The following PARP4 variants were observed in gnomAD, a reference collection of about 807,000 sequenced individuals.
PARP4 encodes protein mono-ADP-ribosyltransferase PARP4.
PARP4 carries 120 observed loss-of-function variants against 187.7 expected under a neutral mutation model. That is an observed-to-expected ratio of 0.64 (90% CI 0.55 to 0.74). The LOEUF (loss-of-function observed/expected upper bound fraction) is 0.74, where lower values mean the gene tolerates loss of function less well. Among genes scored for constraint, PARP4 ranks in the 30% least tolerant of loss-of-function variants. The pLI is 0.00. For synonymous variants in PARP4, 654 were observed against 740.9 expected, an observed-to-expected ratio of 0.88 and a Z score of 1.90; for missense variants, 1,836 against 2,070.5, an observed-to-expected ratio of 0.89 and a Z score of 2.20.
chr13:24,491,458 T>C (rs1383405293), intron 9 of PARP4, among the ~76,000 whole-genome samples: 7 of 152,204 alleles, frequency 4.6e-5, no homozygotes, highest in African/African-American at 1.7e-4. Flanking sequence ...AATCATAGAA[T>C]TTTAAATTTG....
intron 5 of PARP4, 40 bp downstream of exon 5, chr13:24,499,261 G>GA: frequency 7.5e-7 from 1 of 1,329,760 alleles, no homozygotes; most frequent in Non-Finnish European, 9.9e-7. Context: ...AAACAGGTGT[G>GA]TTTTTTTTTT....
Position 24,489,281 on chromosome 13 carries a change from T to A in PARP4, c.1214+1387A>T, listed in dbSNP as rs149082003. ...CAATGTGTGATGCTTTCAGTCTCTC[T>A]ATATCCTCACCAACACTTATAATTT... On this transcript the variant is annotated intron_variant, in intron 10 of 33. Coordinates refer to ENST00000381989, the MANE Select transcript of PARP4 (RefSeq NM_006437.4). Among the ~76,000 whole-genome samples the A allele has an allele frequency of 5.3e-5, 8 of 152,352 alleles. 1 individual carries two copies. The East Asian group carries it at 1.5e-3, about 29-fold the overall frequency.
At chr13:24,430,208 A>C (rs891016234) in intron 32 of PARP4, among the ~76,000 whole-genome samples, 1 of 152,186 alleles carries the variant, frequency 6.6e-6, no homozygotes, top group African/African-American at 2.4e-5. Flanking sequence ...GGCCTAGTGC[A>C]GGTCAAACAG....
At chr13:24,431,548 G>T (rs1870335917) in intron 31 of PARP4, 72 bp from the exon 32 acceptor site, 1 of 940,886 alleles carries the variant, frequency 1.1e-6, no homozygotes, top group Non-Finnish European at 1.7e-6. Context: ...CGTAGTGGGG[G>T]AAGGAGTGGG....
At chr13:24,466,796 C>CAAAAAA (rs34197201) in intron 17 of PARP4, among the ~76,000 whole-genome samples, 41 of 90,836 alleles carry the variant, frequency 4.5e-4, no homozygotes, top group East Asian at 1.0e-3. Flanking sequence ...GACTCTGTCT[C>CAAAAAA]AAAAAAAAAA....
At chr13:24,493,559 A>AT in intron 8 of PARP4, 37 bp downstream of exon 8, 1 of 1,586,906 alleles carries the variant, frequency 6.3e-7, no homozygotes, top group Non-Finnish European at 8.6e-7. Context: ...CAGGAGGCAG[A>AT]TTTTTCACAT....
rs1871682676 is a variant in PARP4 at position 24,454,061 on chromosome 13, C to T, written c.2759-407G>A. Among the ~76,000 whole-genome samples the T allele has an allele frequency of 2.7e-5, 4 of 149,982 alleles. No homozygotes were observed. In the South Asian group the frequency reaches 8.4e-4, roughly 31 times the overall value. The stretch of plus-strand genomic sequence containing the variant: ...GCAGTGAGCTGAGATCGCACCACCG[C>T]ACTCCAGCCTGGGCAACAAAGCGAG... On this transcript the variant is annotated intron_variant, in intron 22 of 33. Transcript: ENST00000381989.
chr13:24,446,990 G>A lies in PARP4; in HGVS notation c.3285+26C>T, dbSNP rs144706444. On this transcript the variant is annotated intron_variant, in intron 26 of 33. Transcript: ENST00000381989. ...AGCAAAATATATTGGTCTTCCCATA[G>A]AATAACAAACTCTGCGTCTTCTTAC... 2.9e-4 allele frequency: 433 copies of A among 1,490,160 alleles called. 5 individuals are homozygous for A. The African/African-American group carries it at 6.1e-3, about 21-fold the overall frequency. The allele number at this position is 1,490,160 out of a possible 1,614,324, so 92.3% of individuals were successfully genotyped here.
chr13:24,430,084 AT>A (rs1260714944), intron 32 of PARP4, among the ~76,000 whole-genome samples: 1 of 152,190 alleles, frequency 6.6e-6, no homozygotes, highest in African/African-American at 2.4e-5. Context: ...GGTTTTAAAT[AT>A]TTTATTCAAA....
chr13:24,479,162 T>C (rs1465384370), intron 12 of PARP4, among the ~76,000 whole-genome samples: 2 of 152,204 alleles, frequency 1.3e-5, no homozygotes, highest in Non-Finnish European at 2.9e-5. Flanking sequence ...AGGACACACC[T>C]TTGGACACAA....
At chr13:24,470,780 A>C (rs1478452907) in intron 15 of PARP4, among the ~76,000 whole-genome samples, 2 of 152,164 alleles carry the variant, frequency 1.3e-5, no homozygotes, top group African/African-American at 4.8e-5. Flanking sequence ...TTATTTGAAA[A>C]CATTGTCCAC....
At chr13:24,444,935 G>T (rs965405923) in intron 27 of PARP4, among the ~76,000 whole-genome samples, 7 of 152,234 alleles carry the variant, frequency 4.6e-5, no homozygotes, top group African/African-American at 1.7e-4. Context: ...TTAAAGGGAT[G>T]ATAGAGAAAC....
chr13:24,450,183 C>T (rs1485525278), intron 24 of PARP4, among the ~76,000 whole-genome samples: 2 of 152,056 alleles, frequency 1.3e-5, no homozygotes, highest in Non-Finnish European at 2.9e-5. Context: ...TGAATCTGAT[C>T]CCAAAGGCCT....
intron 33 of PARP4, 37 bp downstream of exon 33, chr13:24,426,429 A>C: frequency 6.7e-7 from 1 of 1,490,406 alleles, no homozygotes; most frequent in Non-Finnish European, 9.3e-7. Context: ...ATAGTTGAAA[A>C]TATAAATAAG....
In PARP4 at chr13:24,486,257, A is replaced by T. The variant is rs776225777; in HGVS notation, c.1263T>A (p.Asn421Lys). Reference protein sequence around the residue: ...VLQIFRVGRVNETTEFLSKLG... With the variant: ...VLQIFRVGRVKETTEFLSKLG... ...GTTTGCTCAAAAACTCTGTGGTTTCATTCACTCTGCCAACTCTAAATATCT... is the reference window on the plus strand; with the variant it reads ...GTTTGCTCAAAAACTCTGTGGTTTCTTTCACTCTGCCAACTCTAAATATCT... Residue 421 changes from asparagine to lysine, a missense_variant, in exon 11 of 34, where the codon AAT becomes AAA. By Grantham distance (94) the Asn-to-Lys change is moderately conservative. Coordinates refer to ENST00000381989, the MANE Select transcript of PARP4 (RefSeq NM_006437.4). The T allele has an allele frequency of 6.2e-7, 1 of 1,610,492 alleles. No individual in the cohort carries two copies. The highest frequency in any genetic ancestry group is 8.5e-7 in the Non-Finnish European group (1 of 1,176,698).
chr13:24,506,157 G>T (rs1304450701), intron 1 of PARP4, among the ~76,000 whole-genome samples: 1 of 151,610 alleles, frequency 6.6e-6, no homozygotes. Flanking sequence ...TTCCTTCCTT[G>T]GTCTCACTGA....
At chr13:24,472,721 T>C (rs1450710304) in intron 15 of PARP4, among the ~76,000 whole-genome samples, 2 of 152,196 alleles carry the variant, frequency 1.3e-5, no homozygotes, top group Admixed American at 6.5e-5. Flanking sequence ...ATGATGAACC[T>C]GCTGCGAGCT....
chr13:24,484,956 G>A (rs1260100963), intron 11 of PARP4, among the ~76,000 whole-genome samples: 1 of 152,192 alleles, frequency 6.6e-6, no homozygotes, highest in Non-Finnish European at 1.5e-5. Context: ...TTAGGAGATT[G>A]AATGAATTTT....
chr13:24,469,372 G>C (rs1364326449), intron 16 of PARP4, among the ~76,000 whole-genome samples: 1 of 152,204 alleles, frequency 6.6e-6, no homozygotes, highest in Non-Finnish European at 1.5e-5. Context: ...TTCTGGTTGG[G>C]AGTTTATGTG....
Sources: gnomAD v4.1 joint callset for allele counts (sites outside exome capture counted in the v4.1 genomes callset) on GRCh38, gnomAD v4.1.1 for gene constraint, MANE v1.5 for transcripts, NCBI Gene and HGNC (gene_info 2026-07-23, HGNC 2026-07-21) for gene names.